The following CENPF variants were observed in gnomAD, a reference collection of about 807,000 sequenced individuals.
The protein encoded by CENPF is centromere protein F.
A neutral mutation model predicts 307.3 loss-of-function variants in CENPF; 214 were observed. That is an observed-to-expected ratio of 0.70 (90% CI 0.62 to 0.78). CENPF has a LOEUF of 0.78. Among genes scored for constraint, CENPF ranks in the 30% least tolerant of loss-of-function variants. The pLI is 0.00. For synonymous variants in CENPF, 1,259 were observed against 1,270.6 expected, an observed-to-expected ratio of 0.99 and a Z score of 0.19; for missense variants, 3,401 against 3,483.9, an observed-to-expected ratio of 0.98 and a Z score of 0.60.
At chr1:214,656,647 C>T (rs1268235068) in intron 17 of CENPF, among the ~76,000 whole-genome samples, 1 of 152,136 alleles carries the variant, frequency 6.6e-6, no homozygotes, top group Non-Finnish European at 1.5e-5. Flanking sequence ...ATAACTGACG[C>T]TGCAAGAACG....
At chr1:214,606,023 G>T in intron 1 of CENPF, 1 of 1,596,410 alleles carries the variant, frequency 6.3e-7, no homozygotes, top group South Asian at 1.1e-5. Flanking sequence ...GTCCACGGTG[G>T]GCACCGTGCC....
At chr1:214,628,990 T>C in intron 7 of CENPF, 56 bp from the exon 8 acceptor site, 1 of 1,327,490 alleles carries the variant, frequency 7.5e-7, no homozygotes, top group African/African-American at 1.5e-5. Flanking sequence ...ACAAAATATT[T>C]GTTCATTTAT....
chr1:214,615,664 C>T (rs1031207200), intron 3 of CENPF, among the ~76,000 whole-genome samples: 1 of 152,108 alleles, frequency 6.6e-6, no homozygotes, highest in Non-Finnish European at 1.5e-5. Flanking sequence ...TTTGGCTGGG[C>T]TAGGTGGCTC....
chr1:214,625,148 G>T (rs1161947926), intron 7 of CENPF, among the ~76,000 whole-genome samples: 2 of 151,782 alleles, frequency 1.3e-5, no homozygotes, highest in African/African-American at 4.8e-5. Flanking sequence ...AACCTATTTT[G>T]TTATATTGAG....
intron 10 of CENPF, among the ~76,000 whole-genome samples, chr1:214,637,464 GA>G (rs1657993351): frequency 6.7e-6 from 1 of 149,120 alleles, no homozygotes. Context: ...TATGTGCTGA[GA>G]TTTTTTTTTT....
At chr1:214,623,641 T>C (rs1657575681) in intron 7 of CENPF, among the ~76,000 whole-genome samples, 1 of 152,170 alleles carries the variant, frequency 6.6e-6, no homozygotes. Context: ...ATTCATTTAC[T>C]GACTCATTTC....
Position 214,643,549 on chromosome 1 carries a change from TA to T in CENPF, c.4986+226del, listed in dbSNP as rs372139918. Among the ~76,000 whole-genome samples, 399 of 152,340 alleles carry T rather than the reference TA, an allele frequency of 2.6e-3. 1 individual carries two copies. The highest frequency in any genetic ancestry group is 9.4e-3 in the African/African-American group (391 of 41,572). On this transcript the variant is annotated intron_variant, in intron 12 of 19. Coordinates refer to ENST00000366955, the MANE Select transcript of CENPF (RefSeq NM_016343.4). ...TATAGGGATTAGATTTACATAGCAT[TA>T]TATAGAATATTACTAAAGATGTTTT...
chr1:214,608,924 G>T (rs989625417), intron 1 of CENPF: 20 of 1,341,474 alleles, frequency 1.5e-5, no homozygotes, highest in Non-Finnish European at 1.8e-5. Context: ...AGGGGTGGGG[G>T]TGCTCCGAGT....
At chr1:214,663,139 A>G (rs946941157) in intron 19 of CENPF, among the ~76,000 whole-genome samples, 14 of 152,234 alleles carry the variant, frequency 9.2e-5, no homozygotes, top group African/African-American at 3.1e-4. Context: ...CCATAAAGGG[A>G]GAATGATTAA....
chr1:214,616,286 G>GA (rs1364207620), intron 3 of CENPF, among the ~76,000 whole-genome samples: 34 of 152,170 alleles, frequency 2.2e-4, no homozygotes, highest in African/African-American at 8.0e-4. Context: ...AAAGGATAGG[G>GA]AAAAGAGAAT....
At chr1:214,622,491 G>A (rs1199848581) in intron 7 of CENPF, among the ~76,000 whole-genome samples, 5 of 152,160 alleles carry the variant, frequency 3.3e-5, no homozygotes, top group Admixed American at 6.5e-5. Context: ...GCTGAGTGAC[G>A]TTGGGCAAGT....
intron 4 of CENPF, 46 bp downstream of exon 4, chr1:214,618,740 G>T: frequency 6.4e-7 from 1 of 1,554,948 alleles, no homozygotes; most frequent in South Asian, 1.2e-5. Context: ...TGTTTAGCTT[G>T]AGATTTTAAT....
chr1:214,614,874 A>G lies in CENPF; in HGVS notation c.205A>G (p.Asn69Asp), dbSNP rs1205097062. ...CGAGGGTACAAACCTGAAAAGGGAG[A>G]ATCAAAGATTGATGGAAATATGTGA... Reference protein sequence around the residue: ...KTEGTNLKRENQRLMEICESL... With the variant: ...KTEGTNLKREDQRLMEICESL... Residue 69 changes from asparagine (N) to aspartate (D), a missense_variant, in exon 3 of 20, where the codon AAT becomes GAT. Asn to Asp is a conservative substitution (Grantham distance 23). Coordinates refer to ENST00000366955, the MANE Select transcript of CENPF (RefSeq NM_016343.4). The G allele has an allele frequency of 6.2e-7, 1 of 1,604,404 alleles. No homozygotes were observed. The highest frequency in any genetic ancestry group is 2.2e-5 in the East Asian group (1 of 44,610).
In CENPF at chr1:214,622,296, G is replaced by T. The variant is rs117507465; in HGVS notation, c.1068+15G>T. The T allele has an allele frequency of 4.5e-6, 7 of 1,570,644 alleles. No homozygotes were observed. Among genetic ancestry groups the T allele is most frequent in the African/African-American group, 1.4e-5 (1 of 72,960 alleles). On this transcript the variant is annotated intron_variant, in intron 7 of 19. Transcript: ENST00000366955. ...CGTCAACCAAGGTACTTGACTTTTC[G>T]TGAATTACTGGAGAAATCTTCATCT...
chr1:214,650,744 A>G (rs1658439695), intron 14 of CENPF, among the ~76,000 whole-genome samples: 1 of 151,960 alleles, frequency 6.6e-6, no homozygotes, highest in Admixed American at 6.6e-5. Flanking sequence ...TCTACAAAAA[A>G]ACAGTAAAAT....
At chr1:214,616,904 T>C (rs973289346) in intron 3 of CENPF, among the ~76,000 whole-genome samples, 1 of 109,288 alleles carries the variant, frequency 9.2e-6, no homozygotes, top group Non-Finnish European at 1.9e-5. Flanking sequence ...TTTCTTTCTT[T>C]CTTTCTTTCT....
Position 214,642,946 on chromosome 1 carries a change from G to T in CENPF, c.4608G>T (p.Leu1536=). ...GCAGCAGTCTGCAGGAGGAGAATCT[G>T]ACCAGGAAAGAAACCCCTTCGGCCC... is the stretch of plus-strand genomic sequence containing the variant. The part of the protein sequence containing the change: ...VFCSSLQEEN[L]TRKETPSAPA... The change falls in exon 12 of 20, where the codon CTG becomes CTT. Residue 1536 remains leucine, a synonymous_variant. Coordinates refer to ENST00000366955, the MANE Select transcript of CENPF (RefSeq NM_016343.4). The T allele has an allele frequency of 6.2e-7, 1 of 1,613,596 alleles. No homozygotes were observed. Among genetic ancestry groups the T allele is most frequent in the South Asian group, 1.1e-5 (1 of 91,004 alleles).
At position 214,619,155 on chromosome 1, in the gene CENPF, AAATAT is replaced by A. The variant is rs768673812; in HGVS notation, c.513_517del (p.Tyr171Ter). ...TTCCAAGTATGAAGATCTAAAAGAA[AAATAT>A]AATAAAGAGGTTGAAGAACGAAAAA... On this transcript the variant is annotated frameshift_variant, in exon 5 of 20. Transcript: ENST00000366955. LOFTEE classifies it high-confidence loss of function. 6.4e-7 allele frequency: 1 copy of A among 1,566,144 alleles called. No individual in the cohort carries two copies. Among genetic ancestry groups the A allele is most frequent in the South Asian group, 1.1e-5 (1 of 88,270 alleles).
intron 1 of CENPF, chr1:214,605,704 G>A: frequency 1.3e-6 from 2 of 1,592,128 alleles, no homozygotes; most frequent in South Asian, 1.1e-5. Flanking sequence ...GCTCCTGGGA[G>A]ATGAAGCGAC....
Sources: allele counts gnomAD v4.1 joint callset (sites outside exome capture counted in the v4.1 genomes callset), GRCh38; gene constraint gnomAD v4.1.1; transcripts MANE v1.5; gene names NCBI Gene and HGNC (gene_info 2026-07-23, HGNC 2026-07-21).